The following SYNDIG1 variants were observed in gnomAD, a reference collection of about 807,000 sequenced individuals.
SYNDIG1 encodes synapse differentiation-inducing gene protein 1.
SYNDIG1 carries 9 observed loss-of-function variants against 19.4 expected under a neutral mutation model. The observed-to-expected ratio is 0.46, with a 90% confidence interval of 0.28 to 0.81. SYNDIG1 has a LOEUF of 0.81. Among genes scored for constraint, SYNDIG1 ranks in the 30% least tolerant of loss-of-function variants. The pLI is 0.12. For synonymous variants in SYNDIG1, 141 were observed against 145.9 expected (o/e 0.97, Z 0.24); for missense variants, 311 against 343.3 (o/e 0.91, Z 0.74).
chr20:24,661,690 A>G (rs2059605708), intron 3 of SYNDIG1, among the ~76,000 whole-genome samples: 1 of 151,840 alleles, frequency 6.6e-6, no homozygotes. Context: ...TAAACCAGGG[A>G]CCTCAGGTGG....
intron 3 of SYNDIG1, among the ~76,000 whole-genome samples, chr20:24,649,861 C>A (rs1241244371): frequency 6.6e-6 from 1 of 152,186 alleles, no homozygotes; most frequent in Non-Finnish European, 1.5e-5. Flanking sequence ...ACACCAGTGA[C>A]AGTACCAAAT....
At chr20:24,633,645 A>T (rs2059281054) in intron 3 of SYNDIG1, among the ~76,000 whole-genome samples, 1 of 152,146 alleles carries the variant, frequency 6.6e-6, no homozygotes, top group Non-Finnish European at 1.5e-5. Flanking sequence ...CATCAGGGTC[A>T]TCTGGGAACG....
chr20:24,514,221 G>T (rs558308633), intron 1 of SYNDIG1, among the ~76,000 whole-genome samples: 5 of 152,086 alleles, frequency 3.3e-5, no homozygotes, highest in African/African-American at 1.2e-4. Flanking sequence ...ATCAACTAAC[G>T]AGCAAAATAA....
chr20:24,527,608 C>G (rs2057155406), intron 1 of SYNDIG1, among the ~76,000 whole-genome samples: 1 of 150,486 alleles, frequency 6.6e-6, no homozygotes. Context: ...GATGATCTTT[C>G]TCAGCTCATT....
At chr20:24,505,380 C>A (rs918917926) in intron 1 of SYNDIG1, among the ~76,000 whole-genome samples, 2 of 152,130 alleles carry the variant, frequency 1.3e-5, no homozygotes, top group African/African-American at 2.4e-5. Context: ...CCTCTGGACT[C>A]ACTGGCGTTT....
intron 3 of SYNDIG1, among the ~76,000 whole-genome samples, chr20:24,622,132 G>A (rs2059048810): frequency 6.6e-6 from 1 of 152,206 alleles, no homozygotes; most frequent in Admixed American, 6.5e-5. Context: ...ATATGTGAAA[G>A]ACGTTGATGG....
intron 2 of SYNDIG1, among the ~76,000 whole-genome samples, chr20:24,561,746 C>T (rs538172187): frequency 2.2e-4 from 33 of 152,192 alleles, no homozygotes; most frequent in Non-Finnish European, 3.7e-4. Flanking sequence ...TAGCAGAAGC[C>T]GTGCCAGGAT....
intron 3 of SYNDIG1, among the ~76,000 whole-genome samples, chr20:24,592,811 C>G (rs1002106341): frequency 6.6e-6 from 1 of 152,126 alleles, no homozygotes; most frequent in Non-Finnish European, 1.5e-5. Flanking sequence ...GGGGATCTCT[C>G]TTTGTTTTCC....
intron 1 of SYNDIG1, among the ~76,000 whole-genome samples, chr20:24,479,251 G>A (rs989774486): frequency 2.0e-4 from 30 of 152,244 alleles, no homozygotes; most frequent in African/African-American, 7.2e-4. Context: ...GCCCCGTCCT[G>A]ATGGGTTCTT....
chr20:24,575,001 C>A (rs1041281642), intron 2 of SYNDIG1, among the ~76,000 whole-genome samples: 1 of 152,200 alleles, frequency 6.6e-6, no homozygotes, highest in Admixed American at 6.5e-5. Context: ...ATGCTTGTCT[C>A]CCTGGAGCAC....
intron 1 of SYNDIG1, among the ~76,000 whole-genome samples, chr20:24,499,262 T>G (rs2056382898): frequency 1.3e-5 from 2 of 152,172 alleles, no homozygotes; most frequent in Non-Finnish European, 2.9e-5. Flanking sequence ...TAACCTCAAG[T>G]GATCCAACCG....
intron 2 of SYNDIG1, among the ~76,000 whole-genome samples, chr20:24,568,969 G>A (rs2058096862): frequency 6.6e-6 from 1 of 152,208 alleles, no homozygotes; most frequent in African/African-American, 2.4e-5. Flanking sequence ...GGGACTCTGG[G>A]AGCAAGGTGG....
At chr20:24,635,547 C>T (rs1456515175) in intron 3 of SYNDIG1, among the ~76,000 whole-genome samples, 1 of 152,202 alleles carries the variant, frequency 6.6e-6, no homozygotes, top group Non-Finnish European at 1.5e-5. Context: ...GGTCTTGCCT[C>T]CAGTTCTCAT....
intron 3 of SYNDIG1, among the ~76,000 whole-genome samples, chr20:24,612,376 A>G: frequency 6.6e-6 from 1 of 152,134 alleles, no homozygotes; most frequent in East Asian, 1.9e-4. Context: ...CTACTTGGGA[A>G]TATTGTGATG....
chr20:24,519,802 TAGAC>T (rs1032608690), intron 1 of SYNDIG1, among the ~76,000 whole-genome samples: 80 of 151,636 alleles, frequency 5.3e-4, no homozygotes, highest in Middle Eastern at 3.4e-3. Flanking sequence ...CTCTCTCCCT[TAGAC>T]AGACAGACAG....
At chr20:24,523,159 C>A (rs1437823246) in intron 1 of SYNDIG1, among the ~76,000 whole-genome samples, 2 of 152,300 alleles carry the variant, frequency 1.3e-5, no homozygotes, top group Admixed American at 1.3e-4. Flanking sequence ...GGCTTCCTGG[C>A]TGTGAAATCC....
chr20:24,532,207 A>C (rs376551237), intron 1 of SYNDIG1, among the ~76,000 whole-genome samples: 20 of 152,348 alleles, frequency 1.3e-4, no homozygotes, highest in African/African-American at 4.8e-4. Flanking sequence ...GCCCCGTATT[A>C]CACAAGAGCT....
At chr20:24,472,115 G>A (rs2055485090) in intron 1 of SYNDIG1, among the ~76,000 whole-genome samples, 1 of 152,116 alleles carries the variant, frequency 6.6e-6, no homozygotes, top group Admixed American at 6.5e-5. Flanking sequence ...AACCCCATTA[G>A]AGTATAGGTG....
chr20:24,507,541 T>C (rs2056623280), intron 1 of SYNDIG1, among the ~76,000 whole-genome samples: 1 of 152,154 alleles, frequency 6.6e-6, no homozygotes. Flanking sequence ...ACCCAGCCCT[T>C]GCCACACTCT....
Sources: allele counts gnomAD v4.1 joint callset (sites outside exome capture counted in the v4.1 genomes callset), GRCh38; gene constraint gnomAD v4.1.1; transcripts MANE v1.5; gene names NCBI Gene and HGNC (gene_info 2026-07-23, HGNC 2026-07-21).